The following PICALM variants were observed in gnomAD, a reference collection of about 807,000 sequenced individuals.
PICALM encodes the protein phosphatidylinositol-binding clathrin assembly protein.
Under a neutral mutation model 80.5 loss-of-function variants are expected in PICALM, and 40 were observed. The ratio of observed to expected loss-of-function variants is 0.50; its 90% CI spans 0.39 to 0.65. PICALM has a LOEUF of 0.65. PICALM is among the 30% of genes least tolerant of loss of function. The pLI, the probability that PICALM is intolerant of heterozygous loss-of-function variation, is 0.00. For missense variants in PICALM, 676 were observed against 778.9 expected (o/e 0.87, Z 1.57); for synonymous variants, 288 against 260.3 (o/e 1.11, Z -1.02).
Position 85,957,791 on chromosome 11 carries a change from A to G in PICALM, c.*1255T>C, listed in dbSNP as rs929993601. Reference sequence around the variant, plus strand: ...CAGAGACAATGCAACAAGAATGCTTAAACTCATGTACAGAATTGCTTTCCT... The same window carrying G: ...CAGAGACAATGCAACAAGAATGCTTGAACTCATGTACAGAATTGCTTTCCT... On this transcript the variant is annotated 3_prime_UTR_variant, in exon 20 of 20. Coordinates refer to ENST00000393346, the MANE Select transcript of PICALM (RefSeq NM_007166.4). 4 of 219,220 alleles carry G rather than the reference A, an allele frequency of 1.8e-5. No homozygotes were observed. The highest frequency in any genetic ancestry group is 9.0e-5 in the African/African-American group (4 of 44,508). 13.6% of individuals were successfully genotyped at this position (219,220 alleles called of 1,614,324 possible).
rs544154328 is a variant in PICALM, at chr11:85,997,502, GCT to G, written c.1155-575_1155-574del. 4.6e-3 allele frequency among the ~76,000 whole-genome samples: 699 copies of G among 152,160 alleles called. 3 individuals are homozygous for G. The highest frequency in any genetic ancestry group is 0.016 in the African/African-American group (672 of 41,492). Reference sequence around the variant, plus strand: ...CTTCTTTTTTTTGAGACAGAGTCTCGCTCTGTCGCCCAGGATGGAGTGCAGCG... The same window carrying G: ...CTTCTTTTTTTTGAGACAGAGTCTCGCTGTCGCCCAGGATGGAGTGCAGCG... On this transcript the variant is annotated intron_variant, in intron 11 of 19. Coordinates refer to ENST00000393346, the MANE Select transcript of PICALM (RefSeq NM_007166.4).
chr11:86,006,530 C>G (rs1382575005), intron 8 of PICALM, among the ~76,000 whole-genome samples: 1 of 152,060 alleles, frequency 6.6e-6, no homozygotes, highest in African/African-American at 2.4e-5. Flanking sequence ...ACCTGTAATC[C>G]CAGCTACTTG....
chr11:85,965,305 TTC>T (rs1304256323), intron 19 of PICALM, among the ~76,000 whole-genome samples: 1 of 152,182 alleles, frequency 6.6e-6, no homozygotes, highest in Non-Finnish European at 1.5e-5. Context: ...AGCCAATAAT[TTC>T]TCTCTTTATA....
upstream of PICALM, chr11:86,069,367 G>T (rs1208621402): frequency 6.4e-6 from 1 of 156,212 alleles, no homozygotes; most frequent in South Asian, 1.9e-4. Context: ...GGTCACAGAC[G>T]CCGGGCGGGG....
chr11:85,972,697 T>TA (rs995095555), intron 19 of PICALM, among the ~76,000 whole-genome samples: 28 of 152,208 alleles, frequency 1.8e-4, no homozygotes, highest in Admixed American at 1.2e-3. Flanking sequence ...ACTATAGCTT[T>TA]AAAAAAAATT....
chr11:86,036,710 G>A (rs768420278), intron 1 of PICALM, among the ~76,000 whole-genome samples: 1 of 151,992 alleles, frequency 6.6e-6, no homozygotes, highest in African/African-American at 2.4e-5. Flanking sequence ...CGAATGCATG[G>A]CACAAAAAAT....
chr11:86,046,872 A>C (rs944340412), intron 1 of PICALM, among the ~76,000 whole-genome samples: 1 of 152,160 alleles, frequency 6.6e-6, no homozygotes, highest in Non-Finnish European at 1.5e-5. Flanking sequence ...TCCTGGCCTT[A>C]AGTGATCCTC....
rs550139517 is a variant in PICALM at position 86,017,213 on chromosome 11, ACT to A, written c.453-2252_453-2251del. On this transcript the variant is annotated intron_variant, in intron 4 of 19. Transcript: ENST00000393346. ...ACTCCAGCCTGGGTGACAGAGTGAG[ACT>A]CTGTCTCAAAAAAAAAAAAAAAAGT... Among the ~76,000 whole-genome samples the A allele has an allele frequency of 4.6e-3, 457 of 100,412 alleles. 3 individuals are homozygous for A. The highest frequency in any genetic ancestry group is 0.016 in the South Asian group (51 of 3,158). The allele number at this position is 100,412 out of a possible 152,430, so 65.9% of individuals were successfully genotyped here.
At chr11:86,028,944 T>C (rs2095700859) in intron 2 of PICALM, among the ~76,000 whole-genome samples, 1 of 151,938 alleles carries the variant, frequency 6.6e-6, no homozygotes, top group South Asian at 2.1e-4. Context: ...TTTAAGCGAT[T>C]CTCCTGCCTC....
chr11:85,981,370 C>T, intron 16 of PICALM, 142 bp from the exon 17 acceptor site: 1 of 591,156 alleles, frequency 1.7e-6, no homozygotes, highest in Non-Finnish European at 3.0e-6. Flanking sequence ...CTTTGGGAGG[C>T]CAAGGTGGAC....
intron 1 of PICALM, among the ~76,000 whole-genome samples, chr11:86,052,917 G>T (rs532512838): frequency 3.3e-5 from 5 of 152,300 alleles, no homozygotes; most frequent in South Asian, 4.1e-4. Context: ...TCAGCTTCCT[G>T]TCTACAAATG....
chr11:86,040,648 G>A (rs1186861064), intron 1 of PICALM, among the ~76,000 whole-genome samples: 2 of 152,178 alleles, frequency 1.3e-5, no homozygotes, highest in African/African-American at 4.8e-5. Context: ...CAATGTCTCT[G>A]GGAAAATGCA....
At chr11:85,993,183 C>G (rs1385520049) in intron 12 of PICALM, among the ~76,000 whole-genome samples, 14 of 151,280 alleles carry the variant, frequency 9.3e-5, no homozygotes, top group African/African-American at 3.4e-4. Context: ...CCTTTCTGTG[C>G]TCAAGCAATC....
At chr11:85,961,754 A>G (rs1320109463) in intron 19 of PICALM, among the ~76,000 whole-genome samples, 1 of 152,240 alleles carries the variant, frequency 6.6e-6, no homozygotes, top group Admixed American at 6.5e-5. Context: ...CTAGTGAGTA[A>G]TAAAAGTTGA....
intron 1 of PICALM, among the ~76,000 whole-genome samples, chr11:86,058,959 G>C (rs1593466961): frequency 6.6e-6 from 1 of 152,104 alleles, no homozygotes. Flanking sequence ...TGTTCAACTG[G>C]AGCAGCTACA....
At chr11:85,972,198 T>C (rs1271193678) in intron 19 of PICALM, among the ~76,000 whole-genome samples, 4 of 152,248 alleles carry the variant, frequency 2.6e-5, no homozygotes, top group Non-Finnish European at 4.4e-5. Flanking sequence ...CCCAAAACTG[T>C]AGAGAATATT....
Position 85,990,096 on chromosome 11 carries a change from A to T in PICALM, c.1408+154T>A, listed in dbSNP as rs116504426. 2.8e-3 allele frequency among the ~76,000 whole-genome samples: 418 copies of T among 151,744 alleles called. 2 individuals are homozygous for T. Among genetic ancestry groups the T allele is most frequent in the African/African-American group, 9.9e-3 (408 of 41,418 alleles). On this transcript the variant is annotated intron_variant, in intron 13 of 19. Transcript: ENST00000393346. ...AAAATTGGGATACCAGTGTCAATTTAAAAACCTCACTACATTATGGCTGGT... is the reference window on the plus strand; with the variant it reads ...AAAATTGGGATACCAGTGTCAATTTTAAAACCTCACTACATTATGGCTGGT...
intron 7 of PICALM, among the ~76,000 whole-genome samples, chr11:86,008,816 C>T (rs976016908): frequency 3.3e-5 from 5 of 151,634 alleles, no homozygotes; most frequent in Non-Finnish European, 5.9e-5. Context: ...TCTGGCCGGG[C>T]GCGGTGGCTC....
intron 19 of PICALM, among the ~76,000 whole-genome samples, chr11:85,962,496 A>C (rs2093722164): frequency 6.6e-6 from 1 of 152,236 alleles, no homozygotes; most frequent in East Asian, 1.9e-4. Context: ...AAGACCTGAC[A>C]GACCCACAGT....
Sources: gnomAD v4.1 joint callset for allele counts (sites outside exome capture counted in the v4.1 genomes callset) on GRCh38, gnomAD v4.1.1 for gene constraint, MANE v1.5 for transcripts, NCBI Gene and HGNC (gene_info 2026-07-23, HGNC 2026-07-21) for gene names.